Variants in FHIT observed in about 807,000 individuals in gnomAD.
The protein encoded by FHIT is fragile histidine triad diadenosine triphosphatase.
Under a neutral mutation model 17.9 loss-of-function variants are expected in FHIT, and 19 were observed. The observed-to-expected ratio is 1.06, with a 90% CI of 0.74 to 1.56. FHIT has a LOEUF of 1.56. Ranked by LOEUF, FHIT falls within the 40% of genes most tolerant of loss-of-function variation. The probability of loss-of-function intolerance (pLI) is 0.00; values close to 1 mark genes in which losing one functional copy is unlikely to be tolerated. For synonymous variants in FHIT, 81 were observed against 69.7 expected (o/e 1.16, Z -0.81); for missense variants, 248 against 189.2 (o/e 1.31, Z -1.82).
intron 4 of FHIT, among the ~76,000 whole-genome samples, chr3:60,669,674 G>C (rs1413679018): frequency 3.9e-5 from 6 of 152,112 alleles, no homozygotes; most frequent in African/African-American, 1.4e-4. Flanking sequence ...AACATTGCTG[G>C]GAATCCCCAA....
At chr3:60,371,029 C>T (rs887807756) in intron 5 of FHIT, among the ~76,000 whole-genome samples, 20 of 152,310 alleles carry the variant, frequency 1.3e-4, no homozygotes, top group African/African-American at 4.3e-4. Flanking sequence ...GAACCTAAGC[C>T]GTTTGCACAA....
intron 8 of FHIT, among the ~76,000 whole-genome samples, chr3:59,878,885 A>G (rs890895702): frequency 6.6e-6 from 1 of 152,050 alleles, no homozygotes; most frequent in Non-Finnish European, 1.5e-5. Flanking sequence ...ACAATTCTGC[A>G]TGCTATTTTT....
chr3:59,964,899 G>A (rs1013781756), intron 7 of FHIT, among the ~76,000 whole-genome samples: 1 of 152,056 alleles, frequency 6.6e-6, no homozygotes. Flanking sequence ...AACTCAGCAT[G>A]ATATCCATCG....
chr3:60,383,232 T>G (rs1700878718), intron 5 of FHIT, among the ~76,000 whole-genome samples: 1 of 152,206 alleles, frequency 6.6e-6, no homozygotes, highest in African/African-American at 2.4e-5. Flanking sequence ...TAAGCTGGTT[T>G]ATTTCATCTG....
At chr3:60,062,429 T>G (rs1025689021) in intron 5 of FHIT, among the ~76,000 whole-genome samples, 3 of 152,216 alleles carry the variant, frequency 2.0e-5, no homozygotes, top group African/African-American at 7.2e-5. Flanking sequence ...TGCTGGATGC[T>G]TAATATTTTC....
rs565285875 is a variant in FHIT at position 60,288,565 on chromosome 3, C to T, written c.103+248295G>A. Among the ~76,000 whole-genome samples the T allele has an allele frequency of 2.9e-3, 344 of 120,570 alleles. 1 individual carries two copies. Among genetic ancestry groups the T allele is most frequent in the Non-Finnish European group, 4.6e-3 (265 of 57,420 alleles). 79.1% of individuals were successfully genotyped at this position (120,570 alleles called of 152,430 possible). On this transcript the variant is annotated intron_variant, in intron 5 of 9. Transcript: ENST00000492590. The stretch of plus-strand genomic sequence containing the variant: ...TCATTCTGTTTTCTAGGTTCTGGCA[C>T]AGTGTGTGTGTGTGTGTGTGTGTGT...
intron 4 of FHIT, among the ~76,000 whole-genome samples, chr3:60,753,803 A>T (rs72876953): frequency 0.014 from 2,208 of 152,278 alleles, 61 homozygotes; most frequent in African/African-American, 0.049. Flanking sequence ...CTGACACATG[A>T]TACATGTGAT....
chr3:60,201,551 C>T (rs758923761), intron 5 of FHIT, among the ~76,000 whole-genome samples: 12 of 152,080 alleles, frequency 7.9e-5, no homozygotes, highest in Non-Finnish European at 1.3e-4. Context: ...CCAAAAAACC[C>T]TTTCTCTCTG....
chr3:60,949,429 G>C (rs534442363), intron 3 of FHIT, among the ~76,000 whole-genome samples: 23 of 152,068 alleles, frequency 1.5e-4, no homozygotes, highest in Non-Finnish European at 5.9e-5. Flanking sequence ...GAAACACAAC[G>C]CCAAGGGAAA....
chr3:61,188,195 A>G (rs1454106538), intron 2 of FHIT, among the ~76,000 whole-genome samples: 4 of 152,202 alleles, frequency 2.6e-5, no homozygotes, highest in African/African-American at 7.2e-5. Flanking sequence ...CAAGACTAAT[A>G]AAGAAGAAAA....
Position 61,187,208 on chromosome 3 carries a change from C to A in FHIT, c.-164+13409G>T, listed in dbSNP as rs140690381. Among the ~76,000 whole-genome samples, 18 of 152,226 alleles carry A rather than the reference C, an allele frequency of 1.2e-4. No individual in the cohort carries two copies. The East Asian group carries it at 3.3e-3, about 28-fold the overall frequency. ...TGAAATCTGCAAGGCTTAGTCCTTT[C>A]TTGATAAGGAACTAAGGAACTAATG... On this transcript the variant is annotated intron_variant, in intron 2 of 9. Coordinates refer to ENST00000492590, the MANE Select transcript of FHIT (RefSeq NM_002012.4).
chr3:60,674,679 G>T (rs1332183958), intron 4 of FHIT, among the ~76,000 whole-genome samples: 2 of 152,114 alleles, frequency 1.3e-5, no homozygotes, highest in Non-Finnish European at 2.9e-5. Context: ...CCTTTCTGGG[G>T]TTTCAACTGA....
chr3:60,114,407 A>C (rs1388177078), intron 5 of FHIT, among the ~76,000 whole-genome samples: 2 of 147,208 alleles, frequency 1.4e-5, no homozygotes, highest in African/African-American at 2.5e-5. Context: ...AGACTCTCCC[A>C]TTGTTTCTTG....
At chr3:60,083,138 G>A (rs1217885342) in intron 5 of FHIT, among the ~76,000 whole-genome samples, 1 of 152,076 alleles carries the variant, frequency 6.6e-6, no homozygotes, top group Non-Finnish European at 1.5e-5. Context: ...GGTAATTTTT[G>A]TATATGGTGA....
intron 3 of FHIT, among the ~76,000 whole-genome samples, chr3:60,943,365 T>C (rs1172894549): frequency 6.6e-6 from 1 of 152,120 alleles, no homozygotes; most frequent in African/African-American, 2.4e-5. Flanking sequence ...TAACTCTTTA[T>C]CTGTAATAAT....
chr3:60,344,783 CTT>C (rs2106915582), intron 5 of FHIT, among the ~76,000 whole-genome samples: 1 of 152,196 alleles, frequency 6.6e-6, no homozygotes, highest in South Asian at 2.1e-4. Flanking sequence ...TTCTAACACT[CTT>C]TGGAAACTGG....
chr3:61,250,427 T>C (rs1560112064), intron 1 of FHIT, among the ~76,000 whole-genome samples: 2 of 152,238 alleles, frequency 1.3e-5, no homozygotes, highest in African/African-American at 4.8e-5. Flanking sequence ...AGAATAATAA[T>C]AGCAGTAAAT....
At chr3:60,317,202 T>G (rs887981107) in intron 5 of FHIT, among the ~76,000 whole-genome samples, 13 of 152,046 alleles carry the variant, frequency 8.6e-5, no homozygotes, top group Non-Finnish European at 1.6e-4. Flanking sequence ...TTCCTTTTTT[T>G]TCTTGTAGTT....
chr3:60,351,351 C>T (rs1000778053), intron 5 of FHIT, among the ~76,000 whole-genome samples: 3 of 152,156 alleles, frequency 2.0e-5, no homozygotes, highest in Admixed American at 2.0e-4. Context: ...CCTCATCTCA[C>T]AGCAGCCCAA....
Sources: gnomAD v4.1 joint callset for allele counts (sites outside exome capture counted in the v4.1 genomes callset) on GRCh38, gnomAD v4.1.1 for gene constraint, MANE v1.5 for transcripts, NCBI Gene and HGNC (gene_info 2026-07-23, HGNC 2026-07-21) for gene names.